Variants in FYB2 observed in about 807,000 individuals in gnomAD.
FYB2 encodes the protein FYN-binding protein 2.
In FYB2, 103 loss-of-function variants were observed where a neutral mutation model predicts 94.1. That is an observed-to-expected ratio of 1.09 (90% confidence interval 0.93 to 1.29). The LOEUF (loss-of-function observed/expected upper bound fraction) is 1.29, where lower values mean the gene tolerates loss of function less well. Among genes scored for constraint, FYB2 ranks in the 50% most tolerant of loss-of-function variants. FYB2 has a pLI of 0.00. For missense variants in FYB2, 896 were observed against 841.5 expected, an observed-to-expected ratio of 1.06 and a Z score of -0.80; for synonymous variants, 293 against 287.9, an observed-to-expected ratio of 1.02 and a Z score of -0.18.
Position 56,757,515 on chromosome 1 carries a change from A to G in FYB2, c.1098+1201T>C, listed in dbSNP as rs868391590. On this transcript the variant is annotated intron_variant, in intron 6 of 19. Transcript: ENST00000343433. ...CTTACTTCTCCCAGATATTCAGTGA[A>G]ACAAGTATTGGTCCCTTTATTTATT... Among the ~76,000 whole-genome samples, 4 of 152,080 alleles carry G rather than the reference A, an allele frequency of 2.6e-5. No homozygotes were observed. The South Asian group carries it at 8.3e-4, about 32-fold the overall frequency.
At chr1:56,757,718 C>A (rs1450593643) in intron 6 of FYB2, among the ~76,000 whole-genome samples, 1 of 110,614 alleles carries the variant, frequency 9.0e-6, no homozygotes, top group Non-Finnish European at 1.9e-5. Flanking sequence ...TTCTTTCTTT[C>A]TTTCTTTCTT....
At position 56,760,716 on chromosome 1, in the gene FYB2, A is replaced by T. The variant is rs192759981; in HGVS notation, c.1064-1966T>A. 8.5e-5 allele frequency among the ~76,000 whole-genome samples: 13 copies of T among 152,318 alleles called. No homozygotes were observed. The East Asian group carries it at 2.3e-3, about 27-fold the overall frequency. ...TATTACTTATTCTGTCTTAGAAATGATGAAACCAAAGCCAGGAGAAGCCTT... is the reference window on the plus strand; with the variant it reads ...TATTACTTATTCTGTCTTAGAAATGTTGAAACCAAAGCCAGGAGAAGCCTT... On this transcript the variant is annotated intron_variant, in intron 5 of 19. Transcript: ENST00000343433.
chr1:56,815,042 A>T (rs1352579371), intron 1 of FYB2, among the ~76,000 whole-genome samples: 1 of 152,128 alleles, frequency 6.6e-6, no homozygotes, highest in African/African-American at 2.4e-5. Flanking sequence ...GGCTTACAGG[A>T]TAAAGTATAT....
intron 13 of FYB2, among the ~76,000 whole-genome samples, chr1:56,738,910 A>G (rs1028495780): frequency 6.6e-6 from 1 of 152,098 alleles, no homozygotes; most frequent in Non-Finnish European, 1.5e-5. Context: ...ATAAGGGACA[A>G]TATTTGATCG....
intron 1 of FYB2, among the ~76,000 whole-genome samples, chr1:56,815,212 T>G (rs1287846973): frequency 6.6e-6 from 1 of 151,990 alleles, no homozygotes; most frequent in Non-Finnish European, 1.5e-5. Context: ...CCGCCCATGC[T>G]CTCCCTTCTG....
At chr1:56,814,833 A>G (rs1447223665) in intron 1 of FYB2, among the ~76,000 whole-genome samples, 2 of 152,192 alleles carry the variant, frequency 1.3e-5, no homozygotes, top group Non-Finnish European at 2.9e-5. Context: ...AAATGGAATT[A>G]TTCATGAAAA....
Position 56,744,215 on chromosome 1 carries a change from A to G in FYB2, c.1439T>C (p.Val480Ala). 1 of 1,612,516 alleles carries G rather than the reference A, an allele frequency of 6.2e-7. No individual in the cohort carries two copies. The highest frequency in any genetic ancestry group is 8.5e-7 in the Non-Finnish European group (1 of 1,179,280). ...CTCCGAGATGGAACTTGTCTTAGAG[A>G]CCCCTAGGTCTGGAGTTTCTTTAGT... ...ESTKETPDLGVSKTSSISEEI... is the reference protein window; with the variant it reads ...ESTKETPDLGASKTSSISEEI... The change falls in exon 10 of 20, where the codon GTC (valine) becomes GCC (alanine). Residue 480 changes from valine (V) to alanine (A), a missense_variant. Val to Ala is a moderately conservative substitution (Grantham distance 64, BLOSUM62 0). Coordinates refer to ENST00000343433, the MANE Select transcript of FYB2 (RefSeq NM_001004303.5).
At chr1:56,789,243 A>C in intron 2 of FYB2, 109 bp from the exon 3 acceptor site, 4 of 1,249,932 alleles carry the variant, frequency 3.2e-6, no homozygotes, top group African/African-American at 1.5e-5. Flanking sequence ...TCTATTCTCC[A>C]CCCAACAGCT....
chr1:56,798,579 T>C (rs1036494528), intron 1 of FYB2, among the ~76,000 whole-genome samples: 5 of 152,122 alleles, frequency 3.3e-5, no homozygotes, highest in African/African-American at 1.2e-4. Flanking sequence ...ATTTCATCAC[T>C]AGGAAAAAAG....
intron 12 of FYB2, 134 bp from the exon 13 acceptor site, chr1:56,740,929 A>G: frequency 3.9e-6 from 2 of 510,932 alleles, no homozygotes; most frequent in South Asian, 3.5e-5. Flanking sequence ...ATACATGGTC[A>G]TAAAGATGGA....
At chr1:56,789,985 C>T (rs186664584) in intron 2 of FYB2, among the ~76,000 whole-genome samples, 10 of 152,258 alleles carry the variant, frequency 6.6e-5, no homozygotes, top group Non-Finnish European at 1.2e-4. Flanking sequence ...TGGAATTTTC[C>T]AGGAAAGTTC....
intron 12 of FYB2, among the ~76,000 whole-genome samples, chr1:56,741,232 G>T (rs1439293118): frequency 1.3e-5 from 2 of 152,064 alleles, no homozygotes; most frequent in East Asian, 3.9e-4. Context: ...GTGATATGAA[G>T]TTGCACACAC....
intron 9 of FYB2, 51 bp downstream of exon 9, chr1:56,750,993 C>A (rs1645183836): frequency 6.3e-7 from 1 of 1,582,788 alleles, no homozygotes. Flanking sequence ...CCATGCTCAG[C>A]TATAAAACAA....
chr1:56,782,853 G>A (rs1391367899), intron 4 of FYB2, among the ~76,000 whole-genome samples: 2 of 152,062 alleles, frequency 1.3e-5, no homozygotes, highest in Non-Finnish European at 2.9e-5. Context: ...CCCTGAATCA[G>A]GACTATCTCT....
In FYB2 at chr1:56,789,084, G is replaced by A. The variant is rs145616104; in HGVS notation, c.808C>T (p.Pro270Ser). The change falls in exon 3 of 20, where the codon CCC (proline) becomes TCC (serine). Residue 270 changes from proline to serine, a missense_variant. Coordinates refer to ENST00000343433, the MANE Select transcript of FYB2 (RefSeq NM_001004303.5). ...HHHLPKTKPL[P>S]SIDSLGPPPP... ...GGAGGACCCAGGGAGTCGATGGAGG[G>A]CAATGGCTTTGTTTTGGGAAGGTGG... The A allele has an allele frequency of 3.9e-3, 6,288 of 1,612,094 alleles. 46 individuals carry two copies. Among genetic ancestry groups the A allele is most frequent in the Non-Finnish European group, 3.9e-3 (4,654 of 1,179,036 alleles).
chr1:56,801,124 C>T (rs1367439189), intron 1 of FYB2, among the ~76,000 whole-genome samples: 3 of 152,136 alleles, frequency 2.0e-5, no homozygotes, highest in Non-Finnish European at 1.5e-5. Context: ...TTCCTCATGT[C>T]CTCAAGCTCT....
intron 1 of FYB2, among the ~76,000 whole-genome samples, chr1:56,795,459 T>C (rs1033356776): frequency 1.3e-4 from 20 of 152,176 alleles, no homozygotes; most frequent in African/African-American, 4.3e-4. Context: ...AGATATCTCA[T>C]TGAGATCCTA....
chr1:56,723,480 G>A, intron 17 of FYB2, 108 bp downstream of exon 17: 2 of 587,114 alleles, frequency 3.4e-6, no homozygotes, highest in South Asian at 4.9e-5. Context: ...CAAAGATCAT[G>A]TCTGTATCTC....
At chr1:56,753,488 C>A (rs1237794317) in intron 8 of FYB2, among the ~76,000 whole-genome samples, 3 of 152,078 alleles carry the variant, frequency 2.0e-5, no homozygotes, top group African/African-American at 7.2e-5. Flanking sequence ...AGTCACTCTT[C>A]TAAGCAGGGC....
Sources: allele counts gnomAD v4.1 joint callset (sites outside exome capture counted in the v4.1 genomes callset), GRCh38; gene constraint gnomAD v4.1.1; transcripts MANE v1.5; gene names NCBI Gene and HGNC (gene_info 2026-07-23, HGNC 2026-07-21).